The following NRG3 variants were observed in gnomAD, a reference collection of about 807,000 sequenced individuals.
The protein encoded by NRG3 is pro-neuregulin-3, membrane-bound isoform.
NRG3 carries 31 observed loss-of-function variants against 66.9 expected under a neutral mutation model. That is an observed-to-expected ratio of 0.46 (90% CI 0.35 to 0.63). The LOEUF is 0.63. NRG3 is among the 20% of genes least tolerant of loss of function. The pLI is 0.00. For synonymous variants in NRG3, 393 were observed against 359.4 expected (o/e 1.09, Z -1.06); for missense variants, 910 against 878.9 (o/e 1.04, Z -0.45).
intron 2 of NRG3, among the ~76,000 whole-genome samples, chr10:82,450,990 T>C (rs538656074): frequency 6.6e-6 from 1 of 152,310 alleles, no homozygotes; most frequent in Non-Finnish European, 1.5e-5. Context: ...TTAAAAGCCT[T>C]ATCATCTACG....
At chr10:82,034,883 C>A (rs1380509926) in intron 1 of NRG3, among the ~76,000 whole-genome samples, 5 of 152,058 alleles carry the variant, frequency 3.3e-5, no homozygotes, top group African/African-American at 1.2e-4. Flanking sequence ...AGCCCACACC[C>A]AGTGGACTAA....
intron 3 of NRG3, among the ~76,000 whole-genome samples, chr10:82,821,693 C>T (rs1327836915): frequency 6.6e-6 from 1 of 152,132 alleles, no homozygotes; most frequent in East Asian, 1.9e-4. Flanking sequence ...GTTAGAATTG[C>T]AATACTGCAT....
chr10:82,351,092 C>T (rs540136832), intron 1 of NRG3, among the ~76,000 whole-genome samples: 2 of 152,066 alleles, frequency 1.3e-5, no homozygotes, highest in Non-Finnish European at 2.9e-5. Context: ...AACGGGGTTT[C>T]ACCGTGTTAG....
At chr10:82,271,414 CAT>C in intron 1 of NRG3, among the ~76,000 whole-genome samples, 1 of 152,080 alleles carries the variant, frequency 6.6e-6, no homozygotes, top group East Asian at 1.9e-4. Context: ...TAAAGGAAAA[CAT>C]ATATAAAACA....
intron 1 of NRG3, among the ~76,000 whole-genome samples, chr10:82,112,839 A>G (rs2132262094): frequency 6.6e-6 from 1 of 152,252 alleles, no homozygotes; most frequent in Non-Finnish European, 1.5e-5. Context: ...CAGTGATATC[A>G]CAGCCTCCTG....
intron 1 of NRG3, among the ~76,000 whole-genome samples, chr10:81,948,860 G>T (rs150321592): frequency 6.6e-6 from 1 of 152,260 alleles, no homozygotes; most frequent in Non-Finnish European, 1.5e-5. Context: ...CTCATAGAAT[G>T]TGCTGAATGC....
intron 2 of NRG3, among the ~76,000 whole-genome samples, chr10:82,491,430 G>A (rs1037072553): frequency 6.6e-6 from 1 of 150,468 alleles, no homozygotes; most frequent in Non-Finnish European, 1.5e-5. Context: ...CATAAATTTG[G>A]TCTTTTTACC....
intron 1 of NRG3, among the ~76,000 whole-genome samples, chr10:82,213,626 T>C (rs1361176523): frequency 2.0e-5 from 3 of 152,202 alleles, no homozygotes; most frequent in African/African-American, 7.2e-5. Flanking sequence ...TAATCTATAA[T>C]ATACTATAAA....
chr10:81,976,289 G>A (rs1456716186), intron 1 of NRG3, among the ~76,000 whole-genome samples: 1 of 152,110 alleles, frequency 6.6e-6, no homozygotes, highest in Non-Finnish European at 1.5e-5. Flanking sequence ...TTAGCTAATA[G>A]GCACTATAAA....
At chr10:82,129,710 T>C (rs1388155882) in intron 1 of NRG3, among the ~76,000 whole-genome samples, 1 of 151,722 alleles carries the variant, frequency 6.6e-6, no homozygotes, top group African/African-American at 2.4e-5. Context: ...ATAGGCATGC[T>C]CCACCATGCC....
At position 81,875,707 on chromosome 10, in the gene NRG3, A is replaced by C; in HGVS notation, c.367A>C (p.Lys123Gln). The change falls in exon 1 of 9, where the codon AAG becomes CAG. Residue 123 changes from lysine (K) to glutamine (Q), a missense_variant. Lys to Gln is a moderately conservative substitution (Grantham distance 53, BLOSUM62 1). Coordinates refer to ENST00000372141, the MANE Select transcript of NRG3 (RefSeq NM_001010848.4). The surrounding 1 kb of genome is among the most constrained non-coding windows in gnomAD (Gnocchi z 5.3). ...CCTCTCCAAGCCCAGCTCTTTCCCC[A>C]AGGCCATGGAGACCACCACCACTAC... ...FFLSKPSSFP[K>Q]AMETTTTTTS... 1.2e-6 allele frequency: 2 copies of C among 1,613,500 alleles called. No individual in the cohort carries two copies. The highest frequency in any genetic ancestry group is 1.7e-6 in the Non-Finnish European group (2 of 1,179,890).
intron 3 of NRG3, among the ~76,000 whole-genome samples, chr10:82,824,593 A>G (rs749710806): frequency 1.3e-5 from 2 of 151,518 alleles, no homozygotes; most frequent in Non-Finnish European, 2.9e-5. Flanking sequence ...TTCCATTGTG[A>G]TTTTTATTTT....
At chr10:82,969,907 A>G (rs1330210403) in intron 6 of NRG3, among the ~76,000 whole-genome samples, 1 of 152,266 alleles carries the variant, frequency 6.6e-6, no homozygotes, top group Non-Finnish European at 1.5e-5. Context: ...GTATATAAAC[A>G]TAAATATATA....
intron 3 of NRG3, among the ~76,000 whole-genome samples, chr10:82,790,582 A>T (rs376663805): frequency 6.6e-6 from 1 of 152,092 alleles, no homozygotes; most frequent in Non-Finnish European, 1.5e-5. Flanking sequence ...CTTGGAGGTC[A>T]TTGAGCCTCT....
At chr10:82,258,271 G>A (rs905406453) in intron 1 of NRG3, among the ~76,000 whole-genome samples, 1 of 152,142 alleles carries the variant, frequency 6.6e-6, no homozygotes, top group Non-Finnish European at 1.5e-5. Flanking sequence ...CTCAATTATG[G>A]CCTTATCATT....
At chr10:81,905,961 G>A (rs1286289703) in intron 1 of NRG3, among the ~76,000 whole-genome samples, 1 of 152,110 alleles carries the variant, frequency 6.6e-6, no homozygotes, top group African/African-American at 2.4e-5. Flanking sequence ...TTATAATGTT[G>A]TTTGGTCATG....
chr10:82,546,377 T>C (rs2043917806), intron 2 of NRG3, among the ~76,000 whole-genome samples: 1 of 152,178 alleles, frequency 6.6e-6, no homozygotes, highest in African/African-American at 2.4e-5. Context: ...TTTTAAATGA[T>C]ATATGTAGTA....
intron 1 of NRG3, among the ~76,000 whole-genome samples, chr10:82,070,400 T>C (rs910862953): frequency 7.2e-5 from 11 of 152,318 alleles, no homozygotes; most frequent in Middle Eastern, 3.4e-3. Flanking sequence ...GTTAAACTTG[T>C]AATGTCAAAA....
chr10:82,765,961 C>CA (rs1202987580), intron 3 of NRG3, among the ~76,000 whole-genome samples: 2 of 152,056 alleles, frequency 1.3e-5, no homozygotes, highest in African/African-American at 2.4e-5. Flanking sequence ...GTTTTCATTG[C>CA]AAAAAAGATA....
Sources: gnomAD v4.1 joint callset for allele counts (sites outside exome capture counted in the v4.1 genomes callset) on GRCh38, gnomAD v4.1.1 for gene constraint, Gnocchi (gnomAD v3.1) non-coding constraint, MANE v1.5 for transcripts, NCBI Gene and HGNC (gene_info 2026-07-23, HGNC 2026-07-21) for gene names.